KMT5C: variants seen among roughly 807,000 people sequenced by gnomAD.
KMT5C encodes histone-lysine N-methyltransferase KMT5C.
Under a neutral mutation model 38.2 loss-of-function variants are expected in KMT5C, and 16 were observed. That is an observed-to-expected ratio of 0.42 (90% confidence interval 0.28 to 0.64). The LOEUF (loss-of-function observed/expected upper bound fraction) is 0.64. KMT5C is among the 30% of genes least tolerant of loss of function. KMT5C has a pLI of 0.23. For missense variants in KMT5C, 598 were observed against 665.1 expected (o/e 0.90, Z 1.11); for synonymous variants, 291 against 279.0 (o/e 1.04, Z -0.43).
Position 55,347,258 on chromosome 19 carries a change from T to A in KMT5C, c.1198T>A (p.Tyr400Asn). The A allele has an allele frequency of 6.4e-7, 1 of 1,551,170 alleles. No individual in the cohort carries two copies. Among genetic ancestry groups the A allele is most frequent in the Non-Finnish European group, 8.7e-7 (1 of 1,150,820 alleles). The change falls in exon 9 of 9, where the codon TAC becomes AAC. Residue 400 changes from tyrosine (Y) to asparagine (N), a missense_variant. Coordinates refer to ENST00000255613, the MANE Select transcript of KMT5C (RefSeq NM_032701.4). The surrounding 1 kb of genome is among the most constrained non-coding windows in gnomAD (Gnocchi z 4.6). ...CTGGGCCCGGCGCTATGGGCTGCCTTACGTGGTGCGTGTGGACCTTCGTCG... is the reference window on the plus strand; with the variant it reads ...CTGGGCCCGGCGCTATGGGCTGCCTAACGTGGTGCGTGTGGACCTTCGTCG... ...WHWARRYGLP[Y>N]VVRVDLRRLA...
rs2089630514 is a variant in KMT5C at position 55,347,152 on chromosome 19, C to T, written c.1092C>T (p.Pro364=). 2.6e-6 allele frequency: 4 copies of T among 1,537,256 alleles called. No individual in the cohort carries two copies. Among genetic ancestry groups the T allele is most frequent in the Non-Finnish European group, 3.5e-6 (4 of 1,147,658 alleles). ...VSLHRWGGCG[P]HCRLRGEALV... is the part of the protein sequence containing the mutation. ...TGCACCGATGGGGAGGCTGTGGCCC[C>T]CACTGCCGCCTGCGAGGAGAGGCCC... The change falls in exon 9 of 9, where the codon CCC becomes CCT. Residue 364 remains proline (P), a synonymous_variant. Transcript: ENST00000255613. The surrounding 1 kb of genome is among the most constrained non-coding windows in gnomAD (Gnocchi z 4.6).
rs578067668 is a variant in KMT5C at position 55,343,354 on chromosome 19, G to A, written c.387-326G>A. 1.5e-4 allele frequency: 60 copies of A among 398,898 alleles called. No homozygotes were observed. In the South Asian group the frequency reaches 1.5e-3, roughly 10 times the overall value. 24.7% of individuals were successfully genotyped at this position (398,898 alleles called of 1,614,324 possible). A position where few individuals can be genotyped will look rare whatever the true frequency, so the allele number is the denominator to read the frequency against. ...AGCACCCGCCTGAGGGTCTGGTGGGGCGAGTAGGGGGTAGTCCAGGCAGGA... is the reference window on the plus strand; with the variant it reads ...AGCACCCGCCTGAGGGTCTGGTGGGACGAGTAGGGGGTAGTCCAGGCAGGA... On this transcript the variant is annotated intron_variant, in intron 4 of 8. Transcript: ENST00000255613. The surrounding 1 kb of genome is among the most constrained non-coding windows in gnomAD (Gnocchi z 5.5).
At position 55,342,725 on chromosome 19, in the gene KMT5C, A is replaced by C; in HGVS notation, c.277-17A>C. Reference sequence around the variant, plus strand: ...GCCCCTGCCCCGCCTCCTCACCCCCACCCTCACCCTCACCAGGTCTATCGC... The same window carrying C: ...GCCCCTGCCCCGCCTCCTCACCCCCCCCCTCACCCTCACCAGGTCTATCGC... On this transcript the variant is annotated splice_polypyrimidine_tract_variant and intron_variant, in intron 3 of 8. Transcript: ENST00000255613. 4.5e-6 allele frequency: 6 copies of C among 1,348,094 alleles called. No homozygotes were observed. Among genetic ancestry groups the C allele is most frequent in the Non-Finnish European group, 6.4e-6 (6 of 941,472 alleles). The allele number at this position is 1,348,094 out of a possible 1,614,324, so 83.5% of individuals were successfully genotyped here.
chr19:55,346,447 G>A, intron 7 of KMT5C, 53 bp from the exon 8 acceptor site: 1 of 1,599,214 alleles, frequency 6.3e-7, no homozygotes, highest in East Asian at 2.3e-5. Flanking sequence ...TCCAACCCCA[G>A]CCTCTCATCT....
Position 55,343,637 on chromosome 19 carries a change from G to C in KMT5C, c.387-43G>C. Reference sequence around the variant, plus strand: ...CCGAGTCCCCTGAACACCTGCAGGAGGCCAGGCATCGCCCACAGCCCTGCC... The same window carrying C: ...CCGAGTCCCCTGAACACCTGCAGGACGCCAGGCATCGCCCACAGCCCTGCC... On this transcript the variant is annotated intron_variant, in intron 4 of 8. Transcript: ENST00000255613. This position sits in a 1 kb window ranked among gnomAD's most constrained non-coding sequence, Gnocchi z 5.5. 1 of 1,544,598 alleles carries C rather than the reference G, an allele frequency of 6.5e-7. No individual in the cohort carries two copies. The highest frequency in any genetic ancestry group is 8.7e-7 in the Non-Finnish European group (1 of 1,143,148).
Position 55,342,871 on chromosome 19 carries a change from T to C in KMT5C, c.386+20T>C, listed in dbSNP as rs1356985628. The C allele has an allele frequency of 6.5e-6, 9 of 1,393,034 alleles. No homozygotes were observed. The African/African-American group carries it at 9.9e-5, about 15-fold the overall frequency. 86.3% of individuals were successfully genotyped at this position (1,393,034 alleles called of 1,614,324 possible). A position where few individuals can be genotyped will look rare whatever the true frequency, so the allele number is the denominator to read the frequency against. On this transcript the variant is annotated intron_variant, in intron 4 of 8. Coordinates refer to ENST00000255613, the MANE Select transcript of KMT5C (RefSeq NM_032701.4). ...TGCTTGGTAAGAGGGCAGGACTCCC[T>C]GCAGGTATCCTTGGAGGAGACAGAG... is the stretch of plus-strand genomic sequence containing the variant.
chr19:55,345,130 C>T lies in KMT5C; in HGVS notation c.571-1083C>T, dbSNP rs764191550. 2.2e-4 allele frequency: 100 copies of T among 451,210 alleles called. 1 individual carries two copies. The East Asian group carries it at 3.2e-3, about 15-fold the overall frequency. The allele number at this position is 451,210 out of a possible 1,614,324, so 28.0% of individuals were successfully genotyped here. On this transcript the variant is annotated intron_variant, in intron 6 of 8. Coordinates refer to ENST00000255613, the MANE Select transcript of KMT5C (RefSeq NM_032701.4). ...CAGCCACCTTGAGCACACGAGAGGG[C>T]GGCCAGCTCTCCAGCGATCTAGAAC...
chr19:55,340,171 C>G lies in KMT5C; in HGVS notation c.-144+214C>G, dbSNP rs78590998. 1.6e-3 allele frequency among the ~76,000 whole-genome samples: 249 copies of G among 152,052 alleles called. 1 individual carries two copies. In the East Asian group the frequency reaches 0.025, roughly 15 times the overall value. On this transcript the variant is annotated intron_variant, in intron 1 of 8. Coordinates refer to ENST00000255613, the MANE Select transcript of KMT5C (RefSeq NM_032701.4). The stretch of plus-strand genomic sequence containing the variant: ...TGCTTCCTCACCCGGGCCCTGACCC[C>G]CTTCTTACGTCCACGGCCCTCCCTG...
At chr19:55,344,685 C>T (rs779399257) in intron 6 of KMT5C, 2 of 517,926 alleles carry the variant, frequency 3.9e-6, no homozygotes, top group Non-Finnish European at 7.9e-6. Context: ...AGCAGGGAGG[C>T]CAGAGAGCCC....
In KMT5C at chr19:55,343,410, C is replaced by T. The variant is rs1442325938; in HGVS notation, c.387-270C>T. 7.9e-6 allele frequency: 4 copies of T among 506,782 alleles called. No homozygotes were observed. The highest frequency in any genetic ancestry group is 1.9e-5 in the African/African-American group (1 of 51,914). 31.4% of individuals were successfully genotyped at this position (506,782 alleles called of 1,614,324 possible). A position where few individuals can be genotyped will look rare whatever the true frequency, so the allele number is the denominator to read the frequency against. ...TTGGGGGCAGGAGGTGCTATGAGAG[C>T]GAGGGGAGAGAATGGGGGCTGTATC... is the stretch of plus-strand genomic sequence containing the variant. On this transcript the variant is annotated intron_variant, in intron 4 of 8. Coordinates refer to ENST00000255613, the MANE Select transcript of KMT5C (RefSeq NM_032701.4). The surrounding 1 kb of genome is among the most constrained non-coding windows in gnomAD (Gnocchi z 5.5).
At chr19:55,342,164 G>A (rs1212471764) in intron 2 of KMT5C, 51 bp from the exon 3 acceptor site, 1 of 1,595,072 alleles carries the variant, frequency 6.3e-7, no homozygotes, top group South Asian at 1.1e-5. Flanking sequence ...AGTGGGGGTT[G>A]GGGCCGGGGC....
intron 7 of KMT5C, 25 bp downstream of exon 7, chr19:55,346,374 G>GGTTC: frequency 6.2e-7 from 1 of 1,613,708 alleles, no homozygotes; most frequent in South Asian, 1.1e-5. Flanking sequence ...GAGGCGGCTG[G>GGTTC]GTTCGGGTCG....
intron 1 of KMT5C, among the ~76,000 whole-genome samples, chr19:55,341,020 TCTC>T (rs1375923788): frequency 6.6e-6 from 1 of 151,978 alleles, no homozygotes; most frequent in Non-Finnish European, 1.5e-5. Context: ...CCCTGCCCCA[TCTC>T]CTCCTCTCCT....
intron 6 of KMT5C, chr19:55,345,256 C>T (rs561183329): frequency 2.5e-5 from 9 of 361,976 alleles, no homozygotes; most frequent in South Asian, 1.2e-4. Flanking sequence ...TAGCAGGACA[C>T]GGCACACCAG....
At chr19:55,341,050 C>A (rs73607019) in intron 1 of KMT5C, among the ~76,000 whole-genome samples, 9,007 of 152,316 alleles carry the variant, frequency 0.059, 342 homozygotes, top group African/African-American at 0.085. Flanking sequence ...GGATGAGCCT[C>A]GAGCGCCGTG....
At chr19:55,340,308 C>G (rs2089542577) in intron 1 of KMT5C, among the ~76,000 whole-genome samples, 2 of 151,016 alleles carry the variant, frequency 1.3e-5, no homozygotes, top group Non-Finnish European at 3.0e-5. Flanking sequence ...CCCCAGGTCT[C>G]TCCCTGCACC....
intron 3 of KMT5C, 162 bp downstream of exon 3, chr19:55,342,542 G>A (rs776077578): frequency 3.0e-6 from 2 of 659,658 alleles, no homozygotes; most frequent in African/African-American, 1.8e-5. Context: ...AGAATCCTAG[G>A]AGAGGAGAGT....
At position 55,347,208 on chromosome 19, in the gene KMT5C, G is replaced by T. The variant is rs375364241; in HGVS notation, c.1148G>T (p.Arg383Leu). The T allele has an allele frequency of 1.3e-5, 20 of 1,539,610 alleles. No homozygotes were observed. ...GCCCTGGGCCAGCCCCCCCACGCCC[G>T]CTGGGCCCCTCAGCAGGACTGGCAC... ...LVALGQPPHA[R>L]WAPQQDWHWA... is the part of the protein sequence containing the mutation. Residue 383 changes from arginine to leucine, a missense_variant, in exon 9 of 9, where the codon CGC (arginine) becomes CTC (leucine). Physicochemically the swap from Arg to Leu is moderately radical, Grantham distance 102. Around this residue, in one of 3 missense-constraint regions of KMT5C, gnomAD observed 326 missense variants for 298.1 expected, o/e 1.09. Transcript: ENST00000255613. This position sits in a 1 kb window ranked among gnomAD's most constrained non-coding sequence, Gnocchi z 4.6.
chr19:55,346,472 C>T (rs754663206), intron 7 of KMT5C, 28 bp from the exon 8 acceptor site: 1 of 1,593,004 alleles, frequency 6.3e-7, no homozygotes, highest in Admixed American at 1.8e-5. Context: ...TCCACCCGGC[C>T]TCATCTCCCC....
Sources: gnomAD v4.1 joint callset for allele counts (sites outside exome capture counted in the v4.1 genomes callset) on GRCh38, gnomAD v4.1.1 for gene constraint, gnomAD v4.1.1 regional missense constraint, Gnocchi (gnomAD v3.1) non-coding constraint, MANE v1.5 for transcripts, NCBI Gene and HGNC (gene_info 2026-07-23, HGNC 2026-07-21) for gene names.